The following HS6ST3 variants were observed in gnomAD, a reference collection of about 807,000 sequenced individuals.
HS6ST3 encodes the protein heparan-sulfate 6-O-sulfotransferase 3.
A neutral mutation model predicts 36.7 loss-of-function variants in HS6ST3; 12 were observed. The ratio of observed to expected loss-of-function variants is 0.33; its 90% CI spans 0.21 to 0.53. The LOEUF (loss-of-function observed/expected upper bound fraction) is 0.53. Ranked by LOEUF, HS6ST3 falls within the 20% of genes least tolerant of loss-of-function variation. HS6ST3 has a pLI of 0.95. For missense variants in HS6ST3, 584 were observed against 640.9 expected (o/e 0.91, Z 0.96); for synonymous variants, 240 against 257.5 (o/e 0.93, Z 0.65).
intron 1 of HS6ST3, among the ~76,000 whole-genome samples, chr13:96,142,102 A>G (rs2054035053): frequency 6.6e-6 from 1 of 151,882 alleles, no homozygotes; most frequent in Non-Finnish European, 1.5e-5. Context: ...TCGTGGAGAA[A>G]TTCAAGAGCT....
At chr13:96,462,662 C>A (rs901789346) in intron 1 of HS6ST3, among the ~76,000 whole-genome samples, 15 of 152,134 alleles carry the variant, frequency 9.9e-5, no homozygotes, top group Admixed American at 6.5e-4. Context: ...GAGGAAGAAG[C>A]AAAACTGTCA....
intron 1 of HS6ST3, among the ~76,000 whole-genome samples, chr13:96,790,270 T>TACACACAC (rs56867063): frequency 0.022 from 3,180 of 144,390 alleles, 86 homozygotes; most frequent in East Asian, 0.15. Context: ...AACACACATG[T>TACACACAC]ACACACACAC....
intron 1 of HS6ST3, among the ~76,000 whole-genome samples, chr13:96,272,331 T>C (rs952239988): frequency 6.6e-6 from 1 of 151,988 alleles, no homozygotes; most frequent in African/African-American, 2.4e-5. Flanking sequence ...AATAACATAA[T>C]AGCTCACAAC....
At chr13:96,140,651 C>T (rs1187386106) in intron 1 of HS6ST3, among the ~76,000 whole-genome samples, 1 of 152,104 alleles carries the variant, frequency 6.6e-6, no homozygotes, top group African/African-American at 2.4e-5. Context: ...GCATAAAGAC[C>T]ATTGTAAAAG....
At chr13:96,588,735 G>A (rs1381399910) in intron 1 of HS6ST3, among the ~76,000 whole-genome samples, 2 of 151,984 alleles carry the variant, frequency 1.3e-5, no homozygotes, top group Non-Finnish European at 2.9e-5. Context: ...GGTGATGCTA[G>A]CCTTGTAATT....
At chr13:96,764,217 G>C (rs1169453746) in intron 1 of HS6ST3, among the ~76,000 whole-genome samples, 1 of 152,124 alleles carries the variant, frequency 6.6e-6, no homozygotes, top group Non-Finnish European at 1.5e-5. Context: ...GCTTTAAAAA[G>C]TGTTATGCTG....
chr13:96,772,931 A>G (rs956473160), intron 1 of HS6ST3, among the ~76,000 whole-genome samples: 2 of 152,172 alleles, frequency 1.3e-5, no homozygotes, highest in Non-Finnish European at 2.9e-5. Flanking sequence ...ATCAACACAG[A>G]AGGTGGGTGA....
At chr13:96,804,254 G>A (rs951616258) in intron 1 of HS6ST3, among the ~76,000 whole-genome samples, 5 of 152,114 alleles carry the variant, frequency 3.3e-5, no homozygotes, top group Admixed American at 6.5e-5. Context: ...TAAACTTGTC[G>A]GAACAGAGAA....
intron 1 of HS6ST3, among the ~76,000 whole-genome samples, chr13:96,549,235 A>G (rs1176919622): frequency 6.6e-6 from 1 of 152,156 alleles, no homozygotes; most frequent in Non-Finnish European, 1.5e-5. Flanking sequence ...GAGGCACTCA[A>G]TAAAAATGAT....
chr13:96,626,281 G>A (rs761022342), intron 1 of HS6ST3, among the ~76,000 whole-genome samples: 34 of 151,638 alleles, frequency 2.2e-4, no homozygotes, highest in Admixed American at 7.2e-4. Context: ...CTTTTAATAC[G>A]CCTAAATTTG....
intron 1 of HS6ST3, among the ~76,000 whole-genome samples, chr13:96,357,141 G>A (rs2055213994): frequency 6.6e-6 from 1 of 152,174 alleles, no homozygotes; most frequent in Admixed American, 6.5e-5. Flanking sequence ...TTTGTCTTAA[G>A]GGAATGTTGT....
chr13:96,165,631 G>A lies in HS6ST3; in HGVS notation c.707+74062G>A, dbSNP rs941326867. The stretch of plus-strand genomic sequence containing the variant: ...GGCTGTGCTTCTGTTGTCATCACTT[G>A]TGAACCTAGGTGGGTGGGTCATGTC... On this transcript the variant is annotated intron_variant, in intron 1 of 1. Coordinates refer to ENST00000376705, the MANE Select transcript of HS6ST3 (RefSeq NM_153456.4). 2.0e-5 allele frequency among the ~76,000 whole-genome samples: 3 copies of A among 152,296 alleles called. No individual in the cohort carries two copies. In the South Asian group the frequency reaches 6.2e-4, roughly 32 times the overall value.
intron 1 of HS6ST3, among the ~76,000 whole-genome samples, chr13:96,405,606 T>C (rs1594773202): frequency 6.6e-6 from 1 of 152,296 alleles, no homozygotes; most frequent in South Asian, 2.1e-4. Context: ...CTACAAACAC[T>C]TTTTCTTAAA....
At chr13:96,119,387 G>C (rs2053914283) in intron 1 of HS6ST3, among the ~76,000 whole-genome samples, 1 of 152,052 alleles carries the variant, frequency 6.6e-6, no homozygotes, top group African/African-American at 2.4e-5. Flanking sequence ...GATGATTATA[G>C]TATCTCTTTA....
At chr13:96,563,178 A>T (rs1164876859) in intron 1 of HS6ST3, among the ~76,000 whole-genome samples, 1 of 152,234 alleles carries the variant, frequency 6.6e-6, no homozygotes, top group Non-Finnish European at 1.5e-5. Context: ...TTTAATAAAA[A>T]GAATCCATGA....
rs61465884 is a variant in HS6ST3 at position 96,375,137 on chromosome 13, A to G, written c.707+283568A>G. ...ATTTGCTCTTCCCTCTGCTCAGCAC[A>G]CCTTTCTCTGGCCTTTTCTTGCCTT... is the stretch of plus-strand genomic sequence containing the variant. On this transcript the variant is annotated intron_variant, in intron 1 of 1. Coordinates refer to ENST00000376705, the MANE Select transcript of HS6ST3 (RefSeq NM_153456.4). 3.7e-3 allele frequency among the ~76,000 whole-genome samples: 562 copies of G among 151,942 alleles called. 2 individuals are homozygous for G. The highest frequency in any genetic ancestry group is 0.013 in the African/African-American group (541 of 41,422).
intron 1 of HS6ST3, among the ~76,000 whole-genome samples, chr13:96,744,185 T>C (rs1200558982): frequency 6.6e-6 from 1 of 152,092 alleles, no homozygotes; most frequent in Non-Finnish European, 1.5e-5. Context: ...AATTTTGTCT[T>C]ATTTTAATTT....
chr13:96,284,137 C>T (rs569948365), intron 1 of HS6ST3, among the ~76,000 whole-genome samples: 26 of 152,068 alleles, frequency 1.7e-4, no homozygotes, highest in African/African-American at 3.4e-4. Context: ...ATCTAAAAGC[C>T]GTGAGGTGAT....
intron 1 of HS6ST3, among the ~76,000 whole-genome samples, chr13:96,525,845 G>A (rs1196229937): frequency 6.6e-6 from 1 of 152,178 alleles, no homozygotes; most frequent in Non-Finnish European, 1.5e-5. Context: ...AGGCTCTGGT[G>A]ACAAAGCAGT....
Sources: gnomAD v4.1 joint callset for allele counts (sites outside exome capture counted in the v4.1 genomes callset) on GRCh38, gnomAD v4.1.1 for gene constraint, MANE v1.5 for transcripts, NCBI Gene and HGNC (gene_info 2026-07-23, HGNC 2026-07-21) for gene names.